The following KATNAL1 variants were observed in gnomAD, a reference collection of about 807,000 sequenced individuals.
The protein encoded by KATNAL1 is katanin p60 ATPase-containing subunit A-like 1.
KATNAL1 carries 32 observed loss-of-function variants against 55.2 expected under a neutral mutation model. The observed-to-expected ratio is 0.58, with a 90% CI of 0.44 to 0.78. The LOEUF (loss-of-function observed/expected upper bound fraction) is 0.78. KATNAL1 is among the 30% of genes least tolerant of loss of function. The pLI is 0.00. For missense variants in KATNAL1, 466 were observed against 600.9 expected, an observed-to-expected ratio of 0.78 and a Z score of 2.35; for synonymous variants, 193 against 193.6, an observed-to-expected ratio of 1.00 and a Z score of 0.02.
At chr13:30,227,052 G>C (rs1236397906) in intron 9 of KATNAL1, among the ~76,000 whole-genome samples, 4 of 151,868 alleles carry the variant, frequency 2.6e-5, no homozygotes, top group African/African-American at 9.7e-5. Flanking sequence ...CTCCAGCCTG[G>C]GCAACAGAAT....
intron 9 of KATNAL1, among the ~76,000 whole-genome samples, chr13:30,211,815 A>G (rs1873716433): frequency 6.6e-6 from 1 of 152,228 alleles, no homozygotes; most frequent in African/African-American, 2.4e-5. Context: ...TCAGATTTTA[A>G]GACTTACTAC....
intron 5 of KATNAL1, 121 bp from the exon 6 acceptor site, chr13:30,240,686 A>C: frequency 1.4e-6 from 1 of 715,380 alleles, no homozygotes; most frequent in Non-Finnish European, 2.3e-6. Context: ...ACATTATTCT[A>C]ATTCTTACTG....
At chr13:30,218,619 A>G (rs1054283923) in intron 9 of KATNAL1, among the ~76,000 whole-genome samples, 1 of 152,176 alleles carries the variant, frequency 6.6e-6, no homozygotes, top group African/African-American at 2.4e-5. Context: ...CAGAAGTATG[A>G]GCAGAAGGGA....
At chr13:30,247,598 C>T (rs11841870) in intron 4 of KATNAL1, among the ~76,000 whole-genome samples, 5,946 of 152,118 alleles carry the variant, frequency 0.039, 150 homozygotes, top group African/African-American at 0.066. Context: ...TTCAAATTTG[C>T]CACAGTCAGC....
chr13:30,281,031 G>A (rs1881242625), intron 2 of KATNAL1, among the ~76,000 whole-genome samples: 1 of 149,782 alleles, frequency 6.7e-6, no homozygotes, highest in African/African-American at 2.5e-5. Context: ...TACTCAGGAG[G>A]CTGAGGCAGA....
At chr13:30,298,416 A>G (rs1882661426) in intron 1 of KATNAL1, among the ~76,000 whole-genome samples, 2 of 152,210 alleles carry the variant, frequency 1.3e-5, no homozygotes, top group Non-Finnish European at 2.9e-5. Context: ...TCAGTTCTCC[A>G]TAGCGCACTT....
At chr13:30,286,203 A>G (rs1881775186) in intron 1 of KATNAL1, among the ~76,000 whole-genome samples, 1 of 152,256 alleles carries the variant, frequency 6.6e-6, no homozygotes, top group Non-Finnish European at 1.5e-5. Context: ...ACAAGGAATC[A>G]AAAGCTAATC....
At chr13:30,274,902 C>CGCGT (rs1880690987) in intron 3 of KATNAL1, among the ~76,000 whole-genome samples, 1 of 96,324 alleles carries the variant, frequency 1.0e-5, no homozygotes. Flanking sequence ...CGCGCGCGCG[C>CGCGT]GCGCGCACAC....
At chr13:30,218,781 G>A (rs528193777) in intron 9 of KATNAL1, among the ~76,000 whole-genome samples, 10 of 152,290 alleles carry the variant, frequency 6.6e-5, no homozygotes, top group South Asian at 6.2e-4. Context: ...ATCTAGGCTT[G>A]TGAATGAAGA....
At chr13:30,228,852 A>G (rs932503112) in intron 8 of KATNAL1, among the ~76,000 whole-genome samples, 2 of 152,224 alleles carry the variant, frequency 1.3e-5, no homozygotes, top group African/African-American at 4.8e-5. Context: ...TCCTGCGCTC[A>G]AGCTATCCTC....
Position 30,240,526 on chromosome 13 carries a change from T to C in KATNAL1, c.660A>G (p.Leu220=), listed in dbSNP as rs770348653. The C allele has an allele frequency of 1.2e-6, 2 of 1,613,814 alleles. No homozygotes were observed. Among genetic ancestry groups the C allele is most frequent in the Non-Finnish European group, 1.7e-6 (2 of 1,179,790 alleles). Residue 220 remains leucine (L), a synonymous_variant, in exon 6 of 11, where the codon CTA becomes CTG. Transcript: ENST00000380615. The part of the protein sequence containing the change: ...IADLEEAKKL[L]REAVVLPMWM... Reference sequence around the variant, plus strand: ...ACATTGGAAGAACAACAGCTTCCCTTAGCAACTTCTTAGCTTCTTCCAGAT... The same window carrying C: ...ACATTGGAAGAACAACAGCTTCCCTCAGCAACTTCTTAGCTTCTTCCAGAT...
intron 9 of KATNAL1, among the ~76,000 whole-genome samples, chr13:30,218,148 T>C (rs1332939332): frequency 6.7e-6 from 1 of 149,888 alleles, no homozygotes; most frequent in Non-Finnish European, 1.5e-5. Context: ...AATAAAATAC[T>C]GATAGATGCA....
At chr13:30,273,690 A>G (rs1880545219) in intron 3 of KATNAL1, among the ~76,000 whole-genome samples, 1 of 152,234 alleles carries the variant, frequency 6.6e-6, no homozygotes, top group Non-Finnish European at 1.5e-5. Context: ...CAGAATTTTA[A>G]GAAAATGAGT....
chr13:30,211,081 T>C (rs745913524), intron 9 of KATNAL1, among the ~76,000 whole-genome samples: 31 of 152,234 alleles, frequency 2.0e-4, no homozygotes, highest in Non-Finnish European at 3.4e-4. Flanking sequence ...GCCATTTCAC[T>C]AGTGCTTTTA....
intron 3 of KATNAL1, among the ~76,000 whole-genome samples, chr13:30,264,750 T>C (rs1388473226): frequency 4.6e-5 from 5 of 108,860 alleles, no homozygotes; most frequent in East Asian, 2.8e-4. Flanking sequence ...TGTGGAGAAA[T>C]AGGAACACTT....
At chr13:30,307,231 GC>G (rs1294525462) in intron 1 of KATNAL1, 99 bp downstream of exon 1, 1 of 152,292 alleles carries the variant, frequency 6.6e-6, no homozygotes, top group African/African-American at 2.4e-5. Context: ...GCAGCCCACT[GC>G]CCTGGCGTCT....
intron 2 of KATNAL1, 42 bp from the exon 3 acceptor site, chr13:30,280,265 A>G: frequency 6.8e-7 from 1 of 1,467,968 alleles, no homozygotes; most frequent in Non-Finnish European, 9.1e-7. Flanking sequence ...AGCTGTTTAA[A>G]TACTTCATAA....
At chr13:30,277,759 G>A (rs867755704) in intron 3 of KATNAL1, among the ~76,000 whole-genome samples, 7 of 151,738 alleles carry the variant, frequency 4.6e-5, no homozygotes, top group South Asian at 4.1e-4. Context: ...CGAGGCGGGC[G>A]GATCACGAGG....
chr13:30,211,682 C>G (rs527764204), intron 9 of KATNAL1, among the ~76,000 whole-genome samples: 1 of 152,256 alleles, frequency 6.6e-6, no homozygotes, highest in African/African-American at 2.4e-5. Flanking sequence ...AATAAAGATC[C>G]TCCTAAAAGG....
Sources: gnomAD v4.1 joint callset for allele counts (sites outside exome capture counted in the v4.1 genomes callset) on GRCh38, gnomAD v4.1.1 for gene constraint, MANE v1.5 for transcripts, NCBI Gene and HGNC (gene_info 2026-07-23, HGNC 2026-07-21) for gene names.